The following GSG1L variants were observed in gnomAD, a reference collection of about 807,000 sequenced individuals.
GSG1L encodes GSG1 like.
Under a neutral mutation model 42.1 loss-of-function variants are expected in GSG1L, and 24 were observed. The observed-to-expected ratio is 0.57, with a 90% CI of 0.41 to 0.80. GSG1L has a LOEUF of 0.80. GSG1L is among the 30% of genes least tolerant of loss of function. GSG1L has a pLI of 0.00. For synonymous variants in GSG1L, 215 were observed against 203.5 expected (o/e 1.06, Z -0.48); for missense variants, 445 against 472.2 (o/e 0.94, Z 0.53).
intron 1 of GSG1L, among the ~76,000 whole-genome samples, chr16:28,007,262 C>CA (rs1163384395): frequency 1.3e-5 from 2 of 151,798 alleles, no homozygotes; most frequent in East Asian, 1.9e-4. Flanking sequence ...GCCAGAGAAT[C>CA]AAAAAAAGAT....
At chr16:28,029,475 A>G (rs1196775512) in intron 1 of GSG1L, among the ~76,000 whole-genome samples, 1 of 152,192 alleles carries the variant, frequency 6.6e-6, no homozygotes, top group Non-Finnish European at 1.5e-5. Context: ...AGATGGATGG[A>G]TTATGAATGA....
intron 2 of GSG1L, among the ~76,000 whole-genome samples, chr16:27,920,711 G>A (rs2084514694): frequency 6.6e-6 from 1 of 152,176 alleles, no homozygotes; most frequent in African/African-American, 2.4e-5. Context: ...GTCCTGTGAT[G>A]GGCTGAAAGG....
At chr16:27,814,659 T>C (rs1040936764) in intron 5 of GSG1L, among the ~76,000 whole-genome samples, 1 of 132,226 alleles carries the variant, frequency 7.6e-6, no homozygotes, top group Non-Finnish European at 1.5e-5. Flanking sequence ...CACTCCAGCC[T>C]GGGTGACAGA....
chr16:27,976,890 A>C (rs2085256954), intron 1 of GSG1L, among the ~76,000 whole-genome samples: 1 of 152,184 alleles, frequency 6.6e-6, no homozygotes, highest in Non-Finnish European at 1.5e-5. Flanking sequence ...ATCCAGAAGC[A>C]ACATTTCTCC....
intron 1 of GSG1L, among the ~76,000 whole-genome samples, chr16:28,026,455 G>C (rs538830524): frequency 1.3e-5 from 2 of 152,204 alleles, no homozygotes; most frequent in Admixed American, 6.5e-5. Flanking sequence ...GATGGGACTC[G>C]GGAAGAGGAT....
chr16:27,851,768 T>C (rs2083517354), intron 3 of GSG1L, among the ~76,000 whole-genome samples: 1 of 152,204 alleles, frequency 6.6e-6, no homozygotes, highest in South Asian at 2.1e-4. Flanking sequence ...GTTGGCCTGG[T>C]GACACCTGTC....
intron 1 of GSG1L, among the ~76,000 whole-genome samples, chr16:28,004,768 A>G (rs1182963999): frequency 2.0e-5 from 3 of 152,132 alleles, no homozygotes; most frequent in Non-Finnish European, 4.4e-5. Context: ...ACAGAGCAAG[A>G]CCCTGTCTCA....
intron 3 of GSG1L, among the ~76,000 whole-genome samples, chr16:27,878,610 T>A (rs2083916213): frequency 6.6e-6 from 1 of 152,156 alleles, no homozygotes; most frequent in South Asian, 2.1e-4. Flanking sequence ...AGCTACTTTT[T>A]TTTCTTCATA....
rs2083245077 is a variant in GSG1L at position 27,828,899 on chromosome 16, G to C, written c.720C>G (p.Ser240=). The C allele has an allele frequency of 2.5e-6, 4 of 1,614,116 alleles. No individual in the cohort carries two copies. Among genetic ancestry groups the C allele is most frequent in the Admixed American group, 1.7e-5 (1 of 60,016 alleles). Residue 240 remains serine, a synonymous_variant, in exon 5 of 7, where the codon TCC becomes TCG. Coordinates refer to ENST00000447459, the MANE Select transcript of GSG1L (RefSeq NM_001109763.2). The part of the protein sequence containing the change: ...CMAASVTTLN[S]YTKTVIEFRH... ...GGAACTCAATGACCGTCTTGGTGTA[G>C]GAGTTGAGCGTGGTGACAGAGGCTG...
chr16:27,912,359 T>A (rs531911164), intron 2 of GSG1L, among the ~76,000 whole-genome samples: 1 of 152,212 alleles, frequency 6.6e-6, no homozygotes, highest in East Asian at 1.9e-4. Flanking sequence ...ACTAAAAACA[T>A]TCTTTTAATT....
chr16:27,854,985 C>T (rs2083559179), intron 3 of GSG1L, among the ~76,000 whole-genome samples: 1 of 152,116 alleles, frequency 6.6e-6, no homozygotes, highest in South Asian at 2.1e-4. Context: ...ATGCTTGAGC[C>T]CAGGAGTTCA....
chr16:27,926,483 A>G (rs1300800616), intron 2 of GSG1L, among the ~76,000 whole-genome samples: 2 of 151,838 alleles, frequency 1.3e-5, no homozygotes, highest in African/African-American at 4.8e-5. Flanking sequence ...ACCCTGGCCA[A>G]CATGGTGAAA....
chr16:28,010,345 A>G (rs964695559), intron 1 of GSG1L, among the ~76,000 whole-genome samples: 1 of 152,222 alleles, frequency 6.6e-6, no homozygotes, highest in Non-Finnish European at 1.5e-5. Flanking sequence ...ATGCAGAGGC[A>G]GGTTAGGGTT....
At position 27,946,690 on chromosome 16, in the gene GSG1L, A is replaced by G. The variant is rs557147988; in HGVS notation, c.397+16466T>C. 2.8e-5 allele frequency among the ~76,000 whole-genome samples: 4 copies of G among 145,230 alleles called. No homozygotes were observed. The East Asian group carries it at 7.9e-4, about 29-fold the overall frequency. ...AAAGAAAGAAAGAAAGAAAGAAAGA[A>G]AGAATTAAATGAAGCAAGGGGTATG... On this transcript the variant is annotated intron_variant, in intron 2 of 6. Coordinates refer to ENST00000447459, the MANE Select transcript of GSG1L (RefSeq NM_001109763.2).
chr16:28,029,745 A>T (rs1457480029), intron 1 of GSG1L, among the ~76,000 whole-genome samples: 1 of 152,204 alleles, frequency 6.6e-6, no homozygotes, highest in Non-Finnish European at 1.5e-5. Flanking sequence ...TGAATTAAAG[A>T]TGGATGGATG....
rs2086368455 is a variant in GSG1L at position 28,063,362 on chromosome 16, C to G, written c.63G>C (p.Leu21=). Residue 21 remains leucine (L), a synonymous_variant, in exon 1 of 7, where the codon CTG becomes CTC. Coordinates refer to ENST00000447459, the MANE Select transcript of GSG1L (RefSeq NM_001109763.2). This position sits in a 1 kb window ranked among gnomAD's most constrained non-coding sequence, Gnocchi z 5.8. Reference sequence around the variant, plus strand: ...TGGTGAGGAAAGCGGTGGTGGCGAACAGCAGCGCCAGCAGGTTCAGGGCCA... The same window carrying G: ...TGGTGAGGAAAGCGGTGGTGGCGAAGAGCAGCGCCAGCAGGTTCAGGGCCA... ...LAVALNLLAL[L]FATTAFLTTH... is the part of the protein sequence containing the mutation. The G allele has an allele frequency of 1.4e-6, 2 of 1,401,436 alleles. No homozygotes were observed. The highest frequency in any genetic ancestry group is 1.9e-6 in the Non-Finnish European group (2 of 1,070,352). The allele number at this position is 1,401,436 out of a possible 1,614,324, so 86.8% of individuals were successfully genotyped here.
chr16:27,981,708 C>T (rs187008843), intron 1 of GSG1L, among the ~76,000 whole-genome samples: 17 of 152,284 alleles, frequency 1.1e-4, no homozygotes, highest in East Asian at 5.8e-4. Flanking sequence ...ACTAAAACCC[C>T]GCTTGGCATC....
chr16:27,840,743 G>A (rs375040746), intron 4 of GSG1L, among the ~76,000 whole-genome samples: 1 of 152,324 alleles, frequency 6.6e-6, no homozygotes, highest in African/African-American at 2.4e-5. Context: ...GGCTCATGCA[G>A]ATACTGTGGT....
At chr16:28,052,010 T>C (rs1034002038) in intron 1 of GSG1L, among the ~76,000 whole-genome samples, 2 of 151,558 alleles carry the variant, frequency 1.3e-5, no homozygotes, top group Non-Finnish European at 2.9e-5. Flanking sequence ...CGGGGAGAAA[T>C]GGTGAGACTC....
Sources: allele counts gnomAD v4.1 joint callset (sites outside exome capture counted in the v4.1 genomes callset), GRCh38; gene constraint gnomAD v4.1.1; non-coding constraint Gnocchi (gnomAD v3.1); transcripts MANE v1.5; gene names NCBI Gene and HGNC (gene_info 2026-07-23, HGNC 2026-07-21).